SHISA9: variants seen among roughly 807,000 people sequenced by gnomAD.
SHISA9 encodes shisa family member 9.
In SHISA9, 13 loss-of-function variants were observed where a neutral mutation model predicts 38.0. The observed-to-expected ratio is 0.34, with a 90% CI of 0.22 to 0.54. The LOEUF (loss-of-function observed/expected upper bound fraction) is 0.54. Among genes scored for constraint, SHISA9 ranks in the 20% least tolerant of loss-of-function variants. The pLI, the probability that SHISA9 is intolerant of heterozygous loss-of-function variation, is 0.91. For synonymous variants in SHISA9, 275 were observed against 242.0 expected (o/e 1.14, Z -1.27); for missense variants, 538 against 575.8 (o/e 0.93, Z 0.67).
the SHISA9 span, among the ~76,000 whole-genome samples, chr16:13,419,615 T>C: frequency 6.6e-6 from 1 of 152,168 alleles, no homozygotes. Context: ...GAGGAGGTAA[T>C]TTAGAGTGGC....
chr16:13,560,334 C>T, the SHISA9 span, among the ~76,000 whole-genome samples: 1 of 152,186 alleles, frequency 6.6e-6, no homozygotes, highest in African/African-American at 2.4e-5. Context: ...CTGAACCAAT[C>T]ACCATAGCCA....
chr16:13,561,681 G>C, the SHISA9 span, among the ~76,000 whole-genome samples: 1 of 152,216 alleles, frequency 6.6e-6, no homozygotes, highest in African/African-American at 2.4e-5. Flanking sequence ...TGAGTCTGCG[G>C]TGCCATGCAG....
At chr16:13,164,243 T>A (rs1237743685) in intron 2 of SHISA9, among the ~76,000 whole-genome samples, 2 of 152,082 alleles carry the variant, frequency 1.3e-5, no homozygotes, top group Non-Finnish European at 2.9e-5. Flanking sequence ...ATTGAAATGA[T>A]CTTATGGCTG....
the SHISA9 span, among the ~76,000 whole-genome samples, chr16:13,475,405 G>C: frequency 3.3e-5 from 5 of 151,540 alleles, no homozygotes; most frequent in Non-Finnish European, 7.4e-5. Context: ...TATGAAGTTT[G>C]CCAAAGGTCA....
At chr16:13,068,716 A>ATG (rs1055015685) in intron 2 of SHISA9, among the ~76,000 whole-genome samples, 15 of 152,178 alleles carry the variant, frequency 9.9e-5, no homozygotes, top group Non-Finnish European at 1.3e-4. Flanking sequence ...AGGGTCTGAG[A>ATG]TGTGTGTGTG....
chr16:13,354,031 A>G, the SHISA9 span, among the ~76,000 whole-genome samples: 1 of 148,994 alleles, frequency 6.7e-6, no homozygotes, highest in African/African-American at 2.5e-5. Flanking sequence ...GAAAGTATCT[A>G]CCTAGACAAA....
At chr16:13,335,074 G>C in the SHISA9 span, among the ~76,000 whole-genome samples, 1 of 152,196 alleles carries the variant, frequency 6.6e-6, no homozygotes, top group Non-Finnish European at 1.5e-5. Flanking sequence ...TTAGTCCCAT[G>C]GGGGACACCT....
the SHISA9 span, among the ~76,000 whole-genome samples, chr16:13,324,283 C>T: frequency 6.6e-6 from 1 of 152,102 alleles, no homozygotes; most frequent in African/African-American, 2.4e-5. Context: ...GAATTGATTA[C>T]CCTTTCGTGA....
At chr16:13,074,426 G>GC in intron 2 of SHISA9, among the ~76,000 whole-genome samples, 1 of 152,094 alleles carries the variant, frequency 6.6e-6, no homozygotes, top group East Asian at 1.9e-4. Context: ...CCAAGGATCA[G>GC]CCCAAGGATG....
the SHISA9 span, among the ~76,000 whole-genome samples, chr16:13,351,573 T>A: frequency 6.6e-5 from 10 of 152,134 alleles, no homozygotes; most frequent in African/African-American, 2.4e-4. Flanking sequence ...CTGTGATGAA[T>A]CCAAGGAGGA....
chr16:12,935,596 C>T (rs2071519738), intron 2 of SHISA9, among the ~76,000 whole-genome samples: 1 of 152,060 alleles, frequency 6.6e-6, no homozygotes. Flanking sequence ...GCTGGTAATC[C>T]CAGCACTTTG....
the SHISA9 span, among the ~76,000 whole-genome samples, chr16:13,341,865 T>G: frequency 8.5e-5 from 13 of 152,226 alleles, no homozygotes; most frequent in Non-Finnish European, 1.5e-4. Context: ...TCTGCATGTC[T>G]CCTCTGGATT....
the SHISA9 span, among the ~76,000 whole-genome samples, chr16:13,551,564 T>A: frequency 4.7e-3 from 716 of 152,290 alleles, 9 homozygotes; most frequent in Middle Eastern, 0.034. Context: ...GAAGCATATG[T>A]GACTGTGGGC....
intron 4 of SHISA9, among the ~76,000 whole-genome samples, chr16:13,234,672 A>C (rs2051363330): frequency 1.3e-5 from 2 of 152,196 alleles, no homozygotes; most frequent in African/African-American, 2.4e-5. Flanking sequence ...TCTTTTCTCT[A>C]ATGAAAATGT....
At chr16:13,189,811 A>G (rs889915367) in intron 2 of SHISA9, among the ~76,000 whole-genome samples, 2 of 152,208 alleles carry the variant, frequency 1.3e-5, no homozygotes, top group African/African-American at 4.8e-5. Flanking sequence ...TCTGGTTTCT[A>G]ATTTCCTAAC....
chr16:13,052,060 G>A (rs1395588672), intron 2 of SHISA9, among the ~76,000 whole-genome samples: 1 of 152,114 alleles, frequency 6.6e-6, no homozygotes, highest in Non-Finnish European at 1.5e-5. Context: ...ACTGCGCCCG[G>A]CCTAGCATTT....
At chr16:13,411,775 A>C in the SHISA9 span, among the ~76,000 whole-genome samples, 1 of 152,218 alleles carries the variant, frequency 6.6e-6, no homozygotes, top group African/African-American at 2.4e-5. Context: ...GAACGTAGAG[A>C]GATGGCTGCC....
At chr16:13,052,152 A>C in intron 2 of SHISA9, among the ~76,000 whole-genome samples, 1 of 152,234 alleles carries the variant, frequency 6.6e-6, no homozygotes, top group East Asian at 1.9e-4. Flanking sequence ...AGAAACCCCC[A>C]GTCATTAAAA....
the SHISA9 span, among the ~76,000 whole-genome samples, chr16:13,397,856 C>A: frequency 6.6e-6 from 1 of 152,054 alleles, no homozygotes; most frequent in Non-Finnish European, 1.5e-5. Context: ...CTTGGTGTAC[C>A]GGAAGAATGG....
Sources: gnomAD v4.1 joint callset for allele counts (sites outside exome capture counted in the v4.1 genomes callset) on GRCh38, gnomAD v4.1.1 for gene constraint, MANE v1.5 for transcripts, NCBI Gene and HGNC (gene_info 2026-07-23, HGNC 2026-07-21) for gene names.